The following YTHDC2 variants were observed in gnomAD, a reference collection of about 807,000 sequenced individuals.
The protein encoded by YTHDC2 is 3'-5' RNA helicase YTHDC2.
A neutral mutation model predicts 174.9 loss-of-function variants in YTHDC2; 45 were observed. The ratio of observed to expected loss-of-function variants is 0.26; its 90% CI spans 0.20 to 0.33. The LOEUF (loss-of-function observed/expected upper bound fraction) is 0.33, where lower values mean the gene tolerates loss of function less well. Ranked by LOEUF, YTHDC2 falls within the 10% of genes least tolerant of loss-of-function variation. The pLI, the probability that YTHDC2 is intolerant of heterozygous loss-of-function variation, is 1.00. For synonymous variants in YTHDC2, 657 were observed against 574.5 expected (o/e 1.14, Z -2.05); for missense variants, 1,650 against 1,723.7 (o/e 0.96, Z 0.76).
At chr5:113,527,864 C>T (rs924750617) in intron 4 of YTHDC2, among the ~76,000 whole-genome samples, 2 of 152,038 alleles carry the variant, frequency 1.3e-5, no homozygotes, top group African/African-American at 2.4e-5. Flanking sequence ...TCTCGGCTTA[C>T]TGCAACCTCA....
chr5:113,553,493 C>A, intron 13 of YTHDC2, 97 bp from the exon 14 acceptor site: 2 of 1,452,746 alleles, frequency 1.4e-6, no homozygotes, highest in Non-Finnish European at 1.9e-6. Context: ...TGATAGTTTA[C>A]CAGTACTTGA....
chr5:113,575,329 CAG>C lies in YTHDC2; in HGVS notation c.3245-4256_3245-4255del, dbSNP rs139996993. On this transcript the variant is annotated intron_variant, in intron 23 of 29. Coordinates refer to ENST00000161863, the MANE Select transcript of YTHDC2 (RefSeq NM_022828.5). ...ACTGTGCTAGACATTGAAGGTATAA[CAG>C]TGTGTGTCTGTCCTTAGGAATTTAC... Among the ~76,000 whole-genome samples, 989 of 152,292 alleles carry C rather than the reference CAG, an allele frequency of 6.5e-3. 6 individuals are homozygous for C. The highest frequency in any genetic ancestry group is 0.022 in the African/African-American group (920 of 41,556).
chr5:113,542,313 G>C, intron 9 of YTHDC2, 55 bp from the exon 10 acceptor site: 1 of 1,575,246 alleles, frequency 6.3e-7, no homozygotes, highest in Non-Finnish European at 8.7e-7. Context: ...TATGTTCTTT[G>C]CAAGCAAATG....
intron 19 of YTHDC2, 68 bp downstream of exon 19, chr5:113,563,560 G>T: frequency 6.8e-7 from 1 of 1,468,038 alleles, no homozygotes; most frequent in Non-Finnish European, 9.2e-7. Context: ...AAGGAAATAT[G>T]TCTTAACTAA....
At chr5:113,541,671 A>G (rs898330904) in intron 9 of YTHDC2, among the ~76,000 whole-genome samples, 1 of 152,126 alleles carries the variant, frequency 6.6e-6, no homozygotes, top group Admixed American at 6.5e-5. Context: ...TAAAGTTGTA[A>G]TGTATCCAAA....
rs1778078314 is a variant in YTHDC2 at position 113,576,760 on chromosome 5, G to C, written c.3245-2826G>C. ...TGATATTTTACTCAAAAATTTGAAT[G>C]ATAGCGTTATAATTTAAAGATGTTA... On this transcript the variant is annotated intron_variant, in intron 23 of 29. Transcript: ENST00000161863. Among the ~76,000 whole-genome samples, 7 of 151,970 alleles carry C rather than the reference G, an allele frequency of 4.6e-5. No homozygotes were observed. The South Asian group carries it at 1.5e-3, about 32-fold the overall frequency.
At chr5:113,569,088 C>T (rs1462534218) in intron 23 of YTHDC2, among the ~76,000 whole-genome samples, 1 of 152,030 alleles carries the variant, frequency 6.6e-6, no homozygotes, top group African/African-American at 2.4e-5. Context: ...GAATTGCATT[C>T]CAGTAATGAT....
At chr5:113,553,905 G>GT (rs779464796) in intron 15 of YTHDC2, 37 bp from the exon 16 acceptor site, 16 of 1,582,294 alleles carry the variant, frequency 1.0e-5, no homozygotes, top group East Asian at 6.7e-5. Context: ...TATTTTTTCT[G>GT]TTTTTTTATT....
intron 12 of YTHDC2, among the ~76,000 whole-genome samples, chr5:113,549,350 G>C (rs1026369391): frequency 2.6e-5 from 4 of 152,116 alleles, no homozygotes; most frequent in Admixed American, 2.6e-4. Context: ...AAGTCAAAGA[G>C]AATGGAAGAG....
chr5:113,541,422 A>G (rs1775457929), intron 9 of YTHDC2, among the ~76,000 whole-genome samples: 1 of 151,924 alleles, frequency 6.6e-6, no homozygotes, highest in African/African-American at 2.4e-5. Context: ...TGATCTCCTG[A>G]TCTCGTGATC....
chr5:113,580,676 A>C (rs944783715), intron 24 of YTHDC2, among the ~76,000 whole-genome samples: 1 of 152,152 alleles, frequency 6.6e-6, no homozygotes, highest in Non-Finnish European at 1.5e-5. Context: ...TGTGTCCTTC[A>C]TGTTGTCAAA....
At position 113,581,483 on chromosome 5, in the gene YTHDC2, C is replaced by G. The variant is rs747595069; in HGVS notation, c.3421C>G (p.Pro1141Ala). ...HSLFLRRMRA[P>A]SKPWSQVDEA... ...CTTATTTTTACGCCGAATGAGAGCT[C>G]CATCTAAACCTTGGTCTCAAGTTGA... The change falls in exon 25 of 30, where the codon CCA (proline) becomes GCA (alanine). Residue 1141 changes from proline to alanine, a missense_variant. Around this residue, in one of 5 missense-constraint regions of YTHDC2, gnomAD observed 913 missense variants for 940.4 expected, o/e 0.97. Coordinates refer to ENST00000161863, the MANE Select transcript of YTHDC2 (RefSeq NM_022828.5). The G allele has an allele frequency of 6.2e-7, 1 of 1,613,692 alleles. No homozygotes were observed. Among genetic ancestry groups the G allele is most frequent in the Non-Finnish European group, 8.5e-7 (1 of 1,179,822 alleles).
intron 23 of YTHDC2, among the ~76,000 whole-genome samples, chr5:113,578,859 T>C (rs576958190): frequency 2.4e-3 from 368 of 152,300 alleles, no homozygotes; most frequent in Non-Finnish European, 3.9e-3. Context: ...CTTTCAGTTT[T>C]AGTAATTTTC....
intron 2 of YTHDC2, among the ~76,000 whole-genome samples, chr5:113,522,125 G>GTT (rs1171090577): frequency 1.2e-4 from 12 of 100,712 alleles, no homozygotes; most frequent in Admixed American, 3.0e-4. Context: ...ATGAATGCCT[G>GTT]TTTTTTTTGT....
At chr5:113,579,902 A>G (rs1185608191) in intron 24 of YTHDC2, 30 of 985,230 alleles carry the variant, frequency 3.0e-5, no homozygotes, top group African/African-American at 3.5e-5. Context: ...GTTGTGGCTC[A>G]TTATTTAAGC....
intron 12 of YTHDC2, among the ~76,000 whole-genome samples, chr5:113,551,046 T>C (rs1776220859): frequency 6.6e-6 from 1 of 152,102 alleles, no homozygotes; most frequent in Admixed American, 6.6e-5. Flanking sequence ...ATAAAATGTT[T>C]TATTTGACCT....
At chr5:113,528,662 C>G (rs1187698211) in intron 4 of YTHDC2, among the ~76,000 whole-genome samples, 1 of 152,098 alleles carries the variant, frequency 6.6e-6, no homozygotes, top group Non-Finnish European at 1.5e-5. Context: ...GTGCATGCCA[C>G]TATGCCCAGC....
chr5:113,578,882 A>T (rs1778225651), intron 23 of YTHDC2, among the ~76,000 whole-genome samples: 1 of 152,160 alleles, frequency 6.6e-6, no homozygotes, highest in Non-Finnish European at 1.5e-5. Context: ...GTAGAAAATA[A>T]TTAATTTCTT....
intron 8 of YTHDC2, 35 bp from the exon 9 acceptor site, chr5:113,540,933 T>G (rs764225153): frequency 1.3e-6 from 2 of 1,577,186 alleles, no homozygotes; most frequent in South Asian, 2.3e-5. Flanking sequence ...AGGAAATGAT[T>G]TGTCTACATA....
Sources: gnomAD v4.1 joint callset for allele counts (sites outside exome capture counted in the v4.1 genomes callset) on GRCh38, gnomAD v4.1.1 for gene constraint, gnomAD v4.1.1 regional missense constraint, MANE v1.5 for transcripts, NCBI Gene and HGNC (gene_info 2026-07-23, HGNC 2026-07-21) for gene names.